The following DOCK3 variants were observed in gnomAD, a reference collection of about 807,000 sequenced individuals.
DOCK3 encodes dedicator of cytokinesis 3.
In DOCK3, 60 loss-of-function variants were observed where a neutral mutation model predicts 265.6. The observed-to-expected ratio is 0.23, with a 90% CI of 0.18 to 0.28. The LOEUF is 0.28. Ranked by LOEUF, DOCK3 falls within the 10% of genes least tolerant of loss-of-function variation. The pLI is 1.00. For synonymous variants in DOCK3, 881 were observed against 938.0 expected (o/e 0.94, Z 1.11); for missense variants, 1,981 against 2,594.3 (o/e 0.76, Z 5.14).
chr3:51,079,541 T>G (rs760845043), intron 7 of DOCK3, among the ~76,000 whole-genome samples: 1 of 151,956 alleles, frequency 6.6e-6, no homozygotes, highest in Admixed American at 6.6e-5. Flanking sequence ...TCGGTAGAGA[T>G]GAGATTTCGC....
intron 12 of DOCK3, among the ~76,000 whole-genome samples, chr3:51,182,428 TG>T (rs1243609832): frequency 1.3e-5 from 2 of 152,208 alleles, no homozygotes; most frequent in African/African-American, 4.8e-5. Context: ...ACTTATTCCC[TG>T]GGGGTTTCCA....
At chr3:51,213,468 A>T (rs1408781175) in intron 13 of DOCK3, among the ~76,000 whole-genome samples, 5 of 152,180 alleles carry the variant, frequency 3.3e-5, no homozygotes, top group African/African-American at 9.6e-5. Context: ...GCCAGAAGGC[A>T]GCTCACCTGA....
intron 6 of DOCK3, among the ~76,000 whole-genome samples, chr3:51,071,039 G>A (rs1362440924): frequency 1.3e-5 from 2 of 152,110 alleles, no homozygotes; most frequent in Non-Finnish European, 2.9e-5. Context: ...CTGCCTTAAA[G>A]TATCCATTGT....
At chr3:51,311,228 T>C (rs1463573992) in intron 28 of DOCK3, among the ~76,000 whole-genome samples, 1 of 152,210 alleles carries the variant, frequency 6.6e-6, no homozygotes, top group Non-Finnish European at 1.5e-5. Context: ...CTTTAAATTT[T>C]TCACCCCCTC....
At chr3:51,017,905 T>A (rs774523037) in intron 5 of DOCK3, among the ~76,000 whole-genome samples, 9 of 151,848 alleles carry the variant, frequency 5.9e-5, no homozygotes, top group Non-Finnish European at 1.2e-4. Flanking sequence ...TTTCTTTTTC[T>A]TTTTTTAGAC....
chr3:50,953,294 G>A (rs2076642009), intron 5 of DOCK3, among the ~76,000 whole-genome samples: 1 of 152,118 alleles, frequency 6.6e-6, no homozygotes, highest in Non-Finnish European at 1.5e-5. Context: ...ATGAATGGCT[G>A]CTTGATCTAC....
At chr3:50,926,421 A>G (rs1442127968) in intron 4 of DOCK3, among the ~76,000 whole-genome samples, 2 of 152,188 alleles carry the variant, frequency 1.3e-5, no homozygotes, top group Non-Finnish European at 2.9e-5. Flanking sequence ...AATTCATTCT[A>G]TGACCTCATT....
intron 5 of DOCK3, among the ~76,000 whole-genome samples, chr3:51,050,096 A>C (rs556945984): frequency 6.6e-6 from 1 of 152,300 alleles, no homozygotes; most frequent in Admixed American, 6.5e-5. Context: ...TGGATTGAAA[A>C]AAATTAGCTG....
intron 12 of DOCK3, among the ~76,000 whole-genome samples, chr3:51,203,521 A>C (rs1385950421): frequency 6.6e-6 from 1 of 152,226 alleles, no homozygotes; most frequent in African/African-American, 2.4e-5. Context: ...AAGAGGATAC[A>C]AACAAATGGA....
At chr3:51,012,094 C>G (rs1038970684) in intron 5 of DOCK3, among the ~76,000 whole-genome samples, 2 of 152,220 alleles carry the variant, frequency 1.3e-5, no homozygotes, top group South Asian at 2.1e-4. Context: ...AGGAGGCAGT[C>G]TGTCAGTTCT....
chr3:51,240,791 C>G (rs988281805), intron 21 of DOCK3, among the ~76,000 whole-genome samples: 1 of 152,152 alleles, frequency 6.6e-6, no homozygotes, highest in East Asian at 1.9e-4. Context: ...GTAGATTTTT[C>G]TCCATCCCTT....
At chr3:51,200,141 A>G (rs979757430) in intron 12 of DOCK3, among the ~76,000 whole-genome samples, 11 of 152,132 alleles carry the variant, frequency 7.2e-5, no homozygotes, top group African/African-American at 2.4e-4. Flanking sequence ...TCCTCCTTCA[A>G]AGGATCGCAG....
chr3:50,861,757 CTTT>C (rs1416468590), intron 3 of DOCK3, among the ~76,000 whole-genome samples: 2 of 128,098 alleles, frequency 1.6e-5, no homozygotes, highest in Non-Finnish European at 1.7e-5. Flanking sequence ...CCTGCTCTCT[CTTT>C]TTTTTTTTTT....
intron 10 of DOCK3, among the ~76,000 whole-genome samples, chr3:51,147,595 G>C (rs1440073551): frequency 6.6e-6 from 1 of 152,118 alleles, no homozygotes; most frequent in African/African-American, 2.4e-5. Flanking sequence ...GCAGTGTTTG[G>C]TTTTCTGTCC....
intron 5 of DOCK3, among the ~76,000 whole-genome samples, chr3:50,944,183 A>G (rs1050198786): frequency 2.0e-5 from 3 of 152,214 alleles, no homozygotes; most frequent in Non-Finnish European, 4.4e-5. Context: ...AGTGTATTAT[A>G]TGTATTTAAA....
At chr3:51,139,922 AGT>A (rs1480798170) in intron 9 of DOCK3, among the ~76,000 whole-genome samples, 1 of 152,130 alleles carries the variant, frequency 6.6e-6, no homozygotes, top group African/African-American at 2.4e-5. Context: ...CTAGGACACC[AGT>A]GTGTGTGTGG....
chr3:50,905,347 T>A (rs1228255829), intron 4 of DOCK3, among the ~76,000 whole-genome samples: 1 of 139,074 alleles, frequency 7.2e-6, no homozygotes, highest in Non-Finnish European at 1.7e-5. Flanking sequence ...ATAAATTACC[T>A]TGGGCAGTAT....
chr3:51,332,168 C>T (rs937991541), intron 33 of DOCK3, among the ~76,000 whole-genome samples: 1 of 152,190 alleles, frequency 6.6e-6, no homozygotes, highest in Admixed American at 6.5e-5. Context: ...CCAGGTGACT[C>T]TCATGACCTT....
intron 5 of DOCK3, among the ~76,000 whole-genome samples, chr3:51,010,795 G>C (rs1311076131): frequency 4.6e-5 from 7 of 152,178 alleles, no homozygotes; most frequent in Non-Finnish European, 1.0e-4. Flanking sequence ...TCCATCAGGA[G>C]CTCTTGTAGG....
Sources: allele counts gnomAD v4.1 joint callset (sites outside exome capture counted in the v4.1 genomes callset), GRCh38; gene constraint gnomAD v4.1.1; transcripts MANE v1.5; gene names NCBI Gene and HGNC (gene_info 2026-07-23, HGNC 2026-07-21).